Variants in KANK4 observed in about 807,000 individuals in gnomAD.
KANK4 encodes KN motif and ankyrin repeat domains 4.
KANK4 carries 50 observed loss-of-function variants against 80.8 expected under a neutral mutation model. That is an observed-to-expected ratio of 0.62 (90% CI 0.49 to 0.78). The LOEUF is 0.78. Among genes scored for constraint, KANK4 ranks in the 30% least tolerant of loss-of-function variants. The pLI, the probability that KANK4 is intolerant of heterozygous loss-of-function variation, is 0.00. For missense variants in KANK4, 1,196 were observed against 1,240.1 expected, an observed-to-expected ratio of 0.96 and a Z score of 0.53; for synonymous variants, 465 against 506.9, an observed-to-expected ratio of 0.92 and a Z score of 1.11.
At chr1:62,301,748 T>C (rs1049045192) in intron 1 of KANK4, among the ~76,000 whole-genome samples, 1 of 152,032 alleles carries the variant, frequency 6.6e-6, no homozygotes, top group East Asian at 1.9e-4. Flanking sequence ...GGATGAGGTA[T>C]GTAAAATGCT....
intron 1 of KANK4, among the ~76,000 whole-genome samples, chr1:62,309,326 G>A (rs745321867): frequency 9.9e-5 from 15 of 152,110 alleles, no homozygotes; most frequent in Non-Finnish European, 2.1e-4. Context: ...ATCACATTGG[G>A]GATTAGAACA....
chr1:62,296,312 C>T (rs1644363372), intron 1 of KANK4, among the ~76,000 whole-genome samples: 1 of 152,148 alleles, frequency 6.6e-6, no homozygotes, highest in Non-Finnish European at 1.5e-5. Flanking sequence ...TTCTTCACTC[C>T]CTCACCTCCC....
At chr1:62,247,742 T>C (rs532961011) in intron 8 of KANK4, 70 bp from the exon 9 acceptor site, 4 of 1,342,112 alleles carry the variant, frequency 3.0e-6, no homozygotes, top group Non-Finnish European at 4.2e-6. Flanking sequence ...CCAGCCTGGG[T>C]GTGCTCATCA....
In KANK4 at chr1:62,290,911, AT is replaced by A. The variant is rs374030732; in HGVS notation, c.-70-9278del. Among the ~76,000 whole-genome samples, 399 of 150,020 alleles carry A rather than the reference AT, an allele frequency of 2.7e-3. 2 individuals are homozygous for A. The highest frequency in any genetic ancestry group is 9.3e-3 in the African/African-American group (380 of 40,994). On this transcript the variant is annotated intron_variant, in intron 1 of 9. Transcript: ENST00000371153. ...AGGCACCTGCCACCATGCCTGGCTA[AT>A]TTTTTTTTTCTGTATTTTTAGTAGA...
intron 8 of KANK4, among the ~76,000 whole-genome samples, chr1:62,252,280 G>A (rs527861673): frequency 1.1e-3 from 173 of 152,356 alleles, no homozygotes; most frequent in Non-Finnish European, 1.9e-3. Context: ...TTACATTTGT[G>A]TAGGGCCCTA....
At chr1:62,266,985 T>C (rs1262831465) in intron 5 of KANK4, among the ~76,000 whole-genome samples, 166 bp from the exon 6 acceptor site, 1 of 152,184 alleles carries the variant, frequency 6.6e-6, no homozygotes, top group Non-Finnish European at 1.5e-5. Flanking sequence ...CCATGGTGTG[T>C]GCCGATGTGA....
intron 9 of KANK4, among the ~76,000 whole-genome samples, chr1:62,244,537 G>A (rs532363778): frequency 1.3e-5 from 2 of 152,214 alleles, no homozygotes; most frequent in African/African-American, 2.4e-5. Flanking sequence ...GAGATCTGAT[G>A]GTTATTATAA....
At chr1:62,268,579 G>A in intron 4 of KANK4, 74 bp from the exon 5 acceptor site, 2 of 1,246,304 alleles carry the variant, frequency 1.6e-6, no homozygotes, top group African/African-American at 1.5e-5. Context: ...TGAGAGCTGG[G>A]TGGGCCTCGG....
intron 7 of KANK4, among the ~76,000 whole-genome samples, chr1:62,259,636 G>C (rs1671831580): frequency 6.6e-6 from 1 of 151,832 alleles, no homozygotes; most frequent in South Asian, 2.1e-4. Context: ...GGGCAAGTTT[G>C]CTGACTTTTC....
chr1:62,274,779 A>G lies in KANK4; in HGVS notation c.325T>C (p.Ser109Pro). 6.2e-7 allele frequency: 1 copy of G among 1,613,720 alleles called. No individual in the cohort carries two copies. Among genetic ancestry groups the G allele is most frequent in the Non-Finnish European group, 8.5e-7 (1 of 1,179,894 alleles). The change falls in exon 3 of 10, where the codon TCA (serine) becomes CCA (proline). Residue 109 changes from serine to proline, a missense_variant. Ser to Pro is a moderately conservative substitution (Grantham distance 74, BLOSUM62 -1). Coordinates refer to ENST00000371153, the MANE Select transcript of KANK4 (RefSeq NM_181712.5). ...TGGGGGGCATTACCAAGCGGTGGTG[A>G]CTGGTTTTGCTCCTGTGTCCCAAGT... ...ASLGTQEQNQ[S>P]PPLGNAPQAS...
chr1:62,246,293 C>T (rs1671464215), intron 9 of KANK4, among the ~76,000 whole-genome samples: 1 of 152,116 alleles, frequency 6.6e-6, no homozygotes, highest in African/African-American at 2.4e-5. Context: ...TAGGCTGGCT[C>T]GATGGAATGG....
chr1:62,248,768 C>T (rs1671534701), intron 8 of KANK4, among the ~76,000 whole-genome samples: 1 of 149,838 alleles, frequency 6.7e-6, no homozygotes, highest in Non-Finnish European at 1.5e-5. Context: ...TGGTCTTGAA[C>T]TCCTGACCTC....
intron 2 of KANK4, among the ~76,000 whole-genome samples, chr1:62,278,762 T>C (rs1672382397): frequency 6.6e-6 from 1 of 152,064 alleles, no homozygotes; most frequent in Non-Finnish European, 1.5e-5. Context: ...AGAAACACAC[T>C]GGCAATTTTA....
Position 62,236,434 on chromosome 1 carries a change from G to A in KANK4, c.*1843C>T, listed in dbSNP as rs1326942961. Among the ~76,000 whole-genome samples, 2 of 152,148 alleles carry A rather than the reference G, an allele frequency of 1.3e-5. No homozygotes were observed. The highest frequency in any genetic ancestry group is 1.9e-4 in the East Asian group (1 of 5,172). On this transcript the variant is annotated 3_prime_UTR_variant, in exon 10 of 10. Transcript: ENST00000371153. ...TGAGGTCAAAATAAACTCATTTAAAGCATTTTTTTTCTCATTATTTGCTCC... is the reference window on the plus strand; with the variant it reads ...TGAGGTCAAAATAAACTCATTTAAAACATTTTTTTTCTCATTATTTGCTCC...
rs2765247 is a variant in KANK4, at chr1:62,262,924, T to C, written c.2539+168A>G. Among the ~76,000 whole-genome samples, 107,172 of 152,098 alleles carry C rather than the reference T, an allele frequency of 0.7. 38,464 individuals are homozygous for C. The highest frequency in any genetic ancestry group is 0.84 in the East Asian group (4,316 of 5,168). On this transcript the variant is annotated intron_variant, in intron 7 of 9. Transcript: ENST00000371153. ...ACCTATTGGGTACCATGTATGCTAT[T>C]TGGGTGATGGGTATACTACAAGACC...
In KANK4 at chr1:62,297,112, G is replaced by C. The variant is rs1243894708; in HGVS notation, c.-70-15478C>G. 2.8e-4 allele frequency among the ~76,000 whole-genome samples: 42 copies of C among 152,022 alleles called. 1 individual carries two copies. The highest frequency in any genetic ancestry group is 8.3e-4 in the South Asian group (4 of 4,804). ...CGCACCGATAGTCCCAGCTACTCAG[G>C]GGGTTGAGGCAGGAGAATAGCTTGA... On this transcript the variant is annotated intron_variant, in intron 1 of 9. Coordinates refer to ENST00000371153, the MANE Select transcript of KANK4 (RefSeq NM_181712.5).
At chr1:62,261,658 A>G (rs1671889241) in intron 7 of KANK4, among the ~76,000 whole-genome samples, 1 of 152,024 alleles carries the variant, frequency 6.6e-6, no homozygotes, top group African/African-American at 2.4e-5. Context: ...AAAAATCTGC[A>G]CTGACTTCCT....
At chr1:62,261,080 G>A (rs2149130840) in intron 7 of KANK4, among the ~76,000 whole-genome samples, 1 of 151,006 alleles carries the variant, frequency 6.6e-6, no homozygotes, top group South Asian at 2.1e-4. Context: ...GCAGCCCACT[G>A]CCTTCTCAAC....
intron 9 of KANK4, 52 bp from the exon 10 acceptor site, chr1:62,238,433 C>A (rs553096133): frequency 1.1e-4 from 163 of 1,543,824 alleles, no homozygotes; most frequent in Non-Finnish European, 1.2e-4. Flanking sequence ...CTGCCTCCTG[C>A]CTGGGGGAGA....
Sources: allele counts gnomAD v4.1 joint callset (sites outside exome capture counted in the v4.1 genomes callset), GRCh38; gene constraint gnomAD v4.1.1; transcripts MANE v1.5; gene names NCBI Gene and HGNC (gene_info 2026-07-23, HGNC 2026-07-21).